Variants in COA1 observed in about 807,000 individuals in gnomAD.
The protein encoded by COA1 is cytochrome c oxidase assembly factor 1.
COA1 carries 13 observed loss-of-function variants against 16.0 expected under a neutral mutation model. The observed-to-expected ratio is 0.81, with a 90% CI of 0.53 to 1.29. The LOEUF (loss-of-function observed/expected upper bound fraction) is 1.29, where lower values mean the gene tolerates loss of function less well. Ranked by LOEUF, COA1 falls within the 50% of genes most tolerant of loss-of-function variation. The pLI, the probability that COA1 is intolerant of heterozygous loss-of-function variation, is 0.00. For missense variants in COA1, 179 were observed against 177.0 expected, an observed-to-expected ratio of 1.01 and a Z score of -0.06; for synonymous variants, 65 against 65.7, an observed-to-expected ratio of 0.99 and a Z score of 0.05.
chr7:43,717,272 C>G (rs1444951630), intron 1 of COA1, among the ~76,000 whole-genome samples: 3 of 152,192 alleles, frequency 2.0e-5, no homozygotes, highest in African/African-American at 7.2e-5. Flanking sequence ...ATGAAAGCAG[C>G]CTGGAGGGAG....
rs1450864373 is a variant in COA1, at chr7:43,714,617, G to A, written c.-39+14812C>T. On this transcript the variant is annotated intron_variant, in intron 1 of 5. Coordinates refer to ENST00000223336, the MANE Select transcript of COA1 (RefSeq NM_018224.4). The stretch of plus-strand genomic sequence containing the variant: ...GCACTCCAGCCTGGGCTACAAGAGC[G>A]AAACTCCATCTCAAAAAAAAAAAAA... Among the ~76,000 whole-genome samples the A allele has an allele frequency of 7.0e-5, 10 of 143,612 alleles. No individual in the cohort carries two copies. The South Asian group carries it at 8.7e-4, about 13-fold the overall frequency. 94.2% of individuals were successfully genotyped at this position (143,612 alleles called of 152,430 possible).
intron 1 of COA1, among the ~76,000 whole-genome samples, chr7:43,724,972 C>T (rs556796884): frequency 6.6e-5 from 10 of 152,206 alleles, no homozygotes; most frequent in East Asian, 3.9e-4. Context: ...GGCGCAGTGG[C>T]GCACGCCTGC....
intron 6 of COA1, among the ~76,000 whole-genome samples, chr7:43,627,396 C>G (rs139891049): frequency 6.4e-4 from 98 of 152,224 alleles, no homozygotes; most frequent in African/African-American, 2.2e-3. Context: ...GAATGTGAGA[C>G]AGAACATGAA....
intron 1 of COA1, among the ~76,000 whole-genome samples, chr7:43,680,891 A>G (rs1170926878): frequency 6.6e-5 from 10 of 152,190 alleles, no homozygotes; most frequent in Non-Finnish European, 1.2e-4. Flanking sequence ...AGATGGTTTA[A>G]GCCCAGGAAG....
intron 1 of COA1, among the ~76,000 whole-genome samples, chr7:43,691,429 G>T (rs1446331191): frequency 9.4e-4 from 55 of 58,670 alleles, no homozygotes; most frequent in Admixed American, 1.5e-3. Flanking sequence ...GAAAAAGAAA[G>T]AAAGAAAGAA....
At chr7:43,713,443 T>C (rs1442378894) in intron 1 of COA1, among the ~76,000 whole-genome samples, 3 of 152,154 alleles carry the variant, frequency 2.0e-5, no homozygotes, top group Non-Finnish European at 4.4e-5. Context: ...CTCCTAACTA[T>C]AACTTTGTAC....
chr7:43,716,446 G>A (rs923877972), intron 1 of COA1, among the ~76,000 whole-genome samples: 6 of 152,100 alleles, frequency 3.9e-5, no homozygotes, highest in Non-Finnish European at 8.8e-5. Context: ...CCACCCTAGA[G>A]ATTTGTGGAA....
intron 1 of COA1, among the ~76,000 whole-genome samples, chr7:43,715,994 G>C (rs949200580): frequency 3.9e-5 from 6 of 152,138 alleles, no homozygotes; most frequent in African/African-American, 1.2e-4. Flanking sequence ...TGTAAGATAG[G>C]ACTTGCTCCT....
chr7:43,706,791 G>T (rs1482440458), intron 1 of COA1, among the ~76,000 whole-genome samples: 1 of 150,748 alleles, frequency 6.6e-6, no homozygotes, highest in East Asian at 2.0e-4. Context: ...GATTGCTTGA[G>T]TCTGGGAGGC....
chr7:43,679,751 G>T (rs976190593), intron 1 of COA1, among the ~76,000 whole-genome samples: 1 of 152,148 alleles, frequency 6.6e-6, no homozygotes, highest in Non-Finnish European at 1.5e-5. Context: ...AAGGATAGTG[G>T]AGTATGCAAG....
rs2089338007 is a variant in COA1 at position 43,646,512 on chromosome 7, G to C, written c.115+1023C>G. The C allele has an allele frequency of 8.8e-6, 4 of 455,366 alleles. 1 individual carries two copies. The highest frequency in any genetic ancestry group is 6.2e-5 in the South Asian group (4 of 64,488). 28.2% of individuals were successfully genotyped at this position (455,366 alleles called of 1,614,324 possible). A position where few individuals can be genotyped will look rare whatever the true frequency, so the allele number is the denominator to read the frequency against. Reference sequence around the variant, plus strand: ...AGGCCACATAGCTGGTCAAGAGCTGGAGCCGAGATTCAACCATTCAACCCA... The same window carrying C: ...AGGCCACATAGCTGGTCAAGAGCTGCAGCCGAGATTCAACCATTCAACCCA... On this transcript the variant is annotated intron_variant, in intron 3 of 5. Coordinates refer to ENST00000223336, the MANE Select transcript of COA1 (RefSeq NM_018224.4).
At chr7:43,667,311 A>T (rs568485513) in intron 1 of COA1, among the ~76,000 whole-genome samples, 1 of 152,218 alleles carries the variant, frequency 6.6e-6, no homozygotes, top group Non-Finnish European at 1.5e-5. Flanking sequence ...GGTCCCTGAA[A>T]CATTCAGAAA....
At chr7:43,721,972 G>A (rs1413740002) in intron 1 of COA1, among the ~76,000 whole-genome samples, 8 of 152,084 alleles carry the variant, frequency 5.3e-5, no homozygotes, top group East Asian at 1.9e-4. Flanking sequence ...GGATGTAGAA[G>A]TGTTTCTAAA....
At position 43,694,160 on chromosome 7, in the gene COA1, G is replaced by T. The variant is rs141350852; in HGVS notation, c.-39+35269C>A. Among the ~76,000 whole-genome samples, 348 of 143,850 alleles carry T rather than the reference G, an allele frequency of 2.4e-3. 1 individual carries two copies. Among genetic ancestry groups the T allele is most frequent in the African/African-American group, 8.1e-3 (310 of 38,294 alleles). The allele number at this position is 143,850 out of a possible 152,430, so 94.4% of individuals were successfully genotyped here. On this transcript the variant is annotated intron_variant, in intron 1 of 5. Transcript: ENST00000223336. ...GATCCCAGTTCCTTTCATCTCCTCAGCCACATTCCAGCAATTCTCCCATCT... is the reference window on the plus strand; with the variant it reads ...GATCCCAGTTCCTTTCATCTCCTCATCCACATTCCAGCAATTCTCCCATCT...
At chr7:43,674,856 T>C (rs2093439281) in intron 1 of COA1, among the ~76,000 whole-genome samples, 1 of 152,220 alleles carries the variant, frequency 6.6e-6, no homozygotes, top group South Asian at 2.1e-4. Flanking sequence ...AGCTGAACCA[T>C]GGCACAGGTA....
Position 43,709,434 on chromosome 7 carries a change from TTGTGTG to T in COA1, c.-39+19989_-39+19994del, listed in dbSNP as rs59823123. Among the ~76,000 whole-genome samples, 988 of 144,970 alleles carry T rather than the reference TTGTGTG, an allele frequency of 6.8e-3. 10 individuals are homozygous for T. The highest frequency in any genetic ancestry group is 0.018 in the African/African-American group (690 of 39,414). ...ACAGGTCTTGATTCACTTTGTTTTATTGTGTGTGTGTGTGTGTGTGTGTGTGTGTGT... is the reference window on the plus strand; with the variant it reads ...ACAGGTCTTGATTCACTTTGTTTTATTGTGTGTGTGTGTGTGTGTGTGTGT... On this transcript the variant is annotated intron_variant, in intron 1 of 5. Coordinates refer to ENST00000223336, the MANE Select transcript of COA1 (RefSeq NM_018224.4).
chr7:43,645,463 AAAATT>A (rs1454830204), intron 3 of COA1, 64 bp from the exon 4 acceptor site: 60 of 1,431,050 alleles, frequency 4.2e-5, no homozygotes, highest in Non-Finnish European at 5.6e-5. Flanking sequence ...TACTACACAG[AAAATT>A]AAATAATCCA....
chr7:43,709,168 C>T (rs966813429), intron 1 of COA1, among the ~76,000 whole-genome samples: 35 of 152,000 alleles, frequency 2.3e-4, no homozygotes, highest in East Asian at 9.7e-4. Flanking sequence ...GGACTACAGG[C>T]GCCTGCCACC....
chr7:43,681,616 A>C (rs1181030211), intron 1 of COA1, among the ~76,000 whole-genome samples: 1 of 152,184 alleles, frequency 6.6e-6, no homozygotes, highest in Non-Finnish European at 1.5e-5. Context: ...GATTCCCATC[A>C]CTATCAATGT....
Sources: gnomAD v4.1 joint callset for allele counts (sites outside exome capture counted in the v4.1 genomes callset) on GRCh38, gnomAD v4.1.1 for gene constraint, MANE v1.5 for transcripts, NCBI Gene and HGNC (gene_info 2026-07-23, HGNC 2026-07-21) for gene names.